HCN2: variants seen among roughly 807,000 people sequenced by gnomAD.
HCN2 encodes the protein hyperpolarization activated cyclic nucleotide gated potassium and sodium channel 2.
In HCN2, 20 loss-of-function variants were observed where a neutral mutation model predicts 52.3. The ratio of observed to expected loss-of-function variants is 0.38; its 90% CI spans 0.27 to 0.56. The LOEUF is 0.56. Among genes scored for constraint, HCN2 ranks in the 20% least tolerant of loss-of-function variants. HCN2 has a pLI of 0.71. For synonymous variants in HCN2, 694 were observed against 537.0 expected (o/e 1.29, Z -4.04); for missense variants, 981 against 1,207.7 (o/e 0.81, Z 2.78).
chr19:604,866 CTG>C (rs1983364515), intron 2 of HCN2, among the ~76,000 whole-genome samples, 193 bp from the exon 3 acceptor site: 3 of 84,222 alleles, frequency 3.6e-5, no homozygotes, highest in African/African-American at 4.9e-5. Context: ...GGGCGGGGTC[CTG>C]GGGTGGGGGC....
chr19:611,169 C>CGGGGGTCA lies in HCN2; in HGVS notation c.1584+767_1584+774dup, dbSNP rs529654164. ...CACATAAGGTCCTATTCACAGGAAC[C>CGGGGGTCA]GGGGGTCAGGATGTCAGCCTGTCTT... On this transcript the variant is annotated intron_variant, in intron 5 of 7. Transcript: ENST00000251287. Among the ~76,000 whole-genome samples, 378 of 152,318 alleles carry CGGGGGTCA rather than the reference C, an allele frequency of 2.5e-3. 1 individual carries two copies. The highest frequency in any genetic ancestry group is 8.6e-3 in the African/African-American group (359 of 41,560).
intron 1 of HCN2, among the ~76,000 whole-genome samples, chr19:600,845 C>T (rs1360369686): frequency 6.6e-6 from 1 of 152,190 alleles, no homozygotes; most frequent in Non-Finnish European, 1.5e-5. Flanking sequence ...TGTCATTAAG[C>T]CCATTCTTGC....
At chr19:601,061 T>A (rs962004173) in intron 1 of HCN2, among the ~76,000 whole-genome samples, 2 of 151,974 alleles carry the variant, frequency 1.3e-5, no homozygotes, top group Admixed American at 1.3e-4. Flanking sequence ...AGGCCGGTAA[T>A]CCCCACACTT....
Position 613,265 on chromosome 19 carries a change from C to T in HCN2, c.1602C>T (p.Asn534=). The T allele has an allele frequency of 6.2e-7, 1 of 1,612,308 alleles. No individual in the cohort carries two copies. The highest frequency in any genetic ancestry group is 8.5e-7 in the Non-Finnish European group (1 of 1,179,698). The change falls in exon 6 of 8, where the codon AAC becomes AAT. Residue 534 remains asparagine, a synonymous_variant. Coordinates refer to ENST00000251287, the MANE Select transcript of HCN2 (RefSeq NM_001194.4). ...GPLREEIVNF[N]CRKLVASMPL... is the part of the protein sequence containing the mutation. ...CCCTGCAGGAGATCGTCAACTTCAACTGCCGGAAGCTGGTGGCCTCCATGC... is the reference window on the plus strand; with the variant it reads ...CCCTGCAGGAGATCGTCAACTTCAATTGCCGGAAGCTGGTGGCCTCCATGC...
intron 1 of HCN2, among the ~76,000 whole-genome samples, chr19:601,835 G>A (rs1211835935): frequency 2.0e-5 from 3 of 150,416 alleles, no homozygotes; most frequent in East Asian, 2.0e-4. Context: ...CCCGCCATAC[G>A]CAGGCCCTGA....
chr19:617,101 C>CCCCCCCCCCTAA lies in HCN2; in HGVS notation c.*627_*628insCCCCCCCCCTAA. On this transcript the variant is annotated 3_prime_UTR_variant, in exon 8 of 8. Coordinates refer to ENST00000251287, the MANE Select transcript of HCN2 (RefSeq NM_001194.4). ...CAGCAGTGCCCCCACCGTGGCCCCCCACGCCCCATTAACCCCCACACCCCC... is the reference window on the plus strand; with the variant it reads ...CAGCAGTGCCCCCACCGTGGCCCCCCCCCCCCCCCTAAACGCCCCATTAACCCCCACACCCCC... 1.9e-6 allele frequency: 1 copy of CCCCCCCCCCTAA among 518,766 alleles called. No individual in the cohort carries two copies. The highest frequency in any genetic ancestry group is 3.5e-6 in the Non-Finnish European group (1 of 285,494). The allele number at this position is 518,766 out of a possible 1,614,324, so 32.1% of individuals were successfully genotyped here. A position where few individuals can be genotyped will look rare whatever the true frequency, so the allele number is the denominator to read the frequency against.
chr19:615,654 T>A, intron 7 of HCN2, 141 bp from the exon 8 acceptor site: 1 of 735,614 alleles, frequency 1.4e-6, no homozygotes, highest in Non-Finnish European at 2.3e-6. Context: ...TATGTGCTTA[T>A]TGTATACAGT....
In HCN2 at chr19:617,047, G is replaced by C. The variant is rs1054794; in HGVS notation, c.*573G>C. On this transcript the variant is annotated 3_prime_UTR_variant, in exon 8 of 8. Transcript: ENST00000251287. ...GCGGGGGGGAGGCTGGGGTCCCGCC[G>C]CCGTGATGAATGTACTGACGAGCCG... The C allele has an allele frequency of 3.6e-6, 2 of 549,342 alleles. No homozygotes were observed. Among genetic ancestry groups the C allele is most frequent in the East Asian group, 6.1e-5 (2 of 32,656 alleles). 34.0% of individuals were successfully genotyped at this position (549,342 alleles called of 1,614,324 possible).
At chr19:613,516 G>A (rs778811990) in intron 6 of HCN2, 28 bp downstream of exon 6, 2 of 1,074,942 alleles carry the variant, frequency 1.9e-6, no homozygotes, top group Admixed American at 2.1e-5. Context: ...GCGCCTGGAG[G>A]GGGAGGGGGC....
At chr19:602,577 C>T (rs1005876214) in intron 1 of HCN2, among the ~76,000 whole-genome samples, 1 of 152,194 alleles carries the variant, frequency 6.6e-6, no homozygotes, top group South Asian at 2.1e-4. Context: ...CATTTCCCAC[C>T]CTGGCTTCCC....
At position 608,188 on chromosome 19, in the gene HCN2, A is replaced by C. The variant is rs1983486729; in HGVS notation, c.1437+6A>C. 6.2e-7 allele frequency: 1 copy of C among 1,611,490 alleles called. No homozygotes were observed. ...GGCGCCAGTACCAGGAGAAGGTCTG[A>C]GGGAGGCGGGCCCCGGCCTGGGTTC... On this transcript the variant is annotated splice_donor_region_variant and intron_variant, in intron 4 of 7. Transcript: ENST00000251287.
chr19:608,963 C>A (rs185639283), intron 4 of HCN2, among the ~76,000 whole-genome samples: 1,759 of 152,290 alleles, frequency 0.012, 15 homozygotes, highest in South Asian at 0.02. Flanking sequence ...GGATTGGCCC[C>A]ATTGGCAGCC....
In HCN2 at chr19:592,179, C is replaced by T. The variant is rs967880173; in HGVS notation, c.632+1602C>T. ...CAGTCGGGCAGTGGCACCCCCTGAC[C>T]GGAGAGGGACGCGGTGGAGAGGGAG... On this transcript the variant is annotated intron_variant, in intron 1 of 7. Coordinates refer to ENST00000251287, the MANE Select transcript of HCN2 (RefSeq NM_001194.4). The surrounding 1 kb of genome is among the most constrained non-coding windows in gnomAD (Gnocchi z 4.8). Among the ~76,000 whole-genome samples, 2 of 152,216 alleles carry T rather than the reference C, an allele frequency of 1.3e-5. No individual in the cohort carries two copies. Among genetic ancestry groups the T allele is most frequent in the African/African-American group, 2.4e-5 (1 of 41,462 alleles).
chr19:597,960 T>C (rs1450308985), intron 1 of HCN2, among the ~76,000 whole-genome samples: 1 of 152,230 alleles, frequency 6.6e-6, no homozygotes, highest in Non-Finnish European at 1.5e-5. Context: ...TTCTAGGCCC[T>C]GTGGCCTTCT....
chr19:612,856 TC>T (rs781746098), intron 5 of HCN2, among the ~76,000 whole-genome samples: 26 of 65,220 alleles, frequency 4.0e-4, no homozygotes, highest in East Asian at 8.6e-4. Flanking sequence ...TTTTTTTTTT[TC>T]CGGTAGAGAC....
intron 1 of HCN2, among the ~76,000 whole-genome samples, chr19:598,625 G>A (rs1411963569): frequency 8.1e-5 from 12 of 148,814 alleles, no homozygotes; most frequent in South Asian, 2.1e-4. Flanking sequence ...TTTTTGAGAC[G>A]GAGTCTCGCT....
chr19:615,742 G>C, intron 7 of HCN2, 53 bp from the exon 8 acceptor site: 1 of 1,587,074 alleles, frequency 6.3e-7, no homozygotes. Context: ...CTCGGTGCCC[G>C]CTGTACGCAG....
chr19:610,804 G>A (rs1983599371), intron 5 of HCN2, among the ~76,000 whole-genome samples: 1 of 152,176 alleles, frequency 6.6e-6, no homozygotes, highest in Admixed American at 6.5e-5. Context: ...AGTTTCCCAG[G>A]GTTGCGGGAA....
chr19:590,664 C>A lies in HCN2; in HGVS notation c.632+87C>A. On this transcript the variant is annotated intron_variant, in intron 1 of 7. Transcript: ENST00000251287. This position sits in a 1 kb window ranked among gnomAD's most constrained non-coding sequence, Gnocchi z 7.2. ...CCGTCCTTGGAGCGCCTGGGGAGGG[C>A]GGGGCGGCGCGCCGGGCCGGTGACC... 3 of 1,058,326 alleles carry A rather than the reference C, an allele frequency of 2.8e-6. No individual in the cohort carries two copies. Among genetic ancestry groups the A allele is most frequent in the African/African-American group, 1.7e-5 (1 of 59,500 alleles). The allele number at this position is 1,058,326 out of a possible 1,614,324, so 65.6% of individuals were successfully genotyped here.
Sources: gnomAD v4.1 joint callset for allele counts (sites outside exome capture counted in the v4.1 genomes callset) on GRCh38, gnomAD v4.1.1 for gene constraint, Gnocchi (gnomAD v3.1) non-coding constraint, MANE v1.5 for transcripts, NCBI Gene and HGNC (gene_info 2026-07-23, HGNC 2026-07-21) for gene names.